The following ZNF69 variants were observed in gnomAD, a reference collection of about 807,000 sequenced individuals.
ZNF69 encodes ZNF3.
In ZNF69, 47 loss-of-function variants were observed where a neutral mutation model predicts 50.9. That is an observed-to-expected ratio of 0.92 (90% CI 0.73 to 1.18). The LOEUF is 1.18. Ranked by LOEUF, ZNF69 falls within the 50% of genes most tolerant of loss-of-function variation. ZNF69 has a pLI of 0.00. For synonymous variants in ZNF69, 216 were observed against 223.1 expected, an observed-to-expected ratio of 0.97 and a Z score of 0.29; for missense variants, 717 against 675.1, an observed-to-expected ratio of 1.06 and a Z score of -0.69.
chr19:11,948,947 G>C, the ZNF69 span: 32 of 1,608,302 alleles, frequency 2.0e-5, no homozygotes, highest in Non-Finnish European at 2.6e-5. Flanking sequence ...CCTTATCAAT[G>C]CAAAGAATGT....
At chr19:11,938,365 C>T in the ZNF69 span, among the ~76,000 whole-genome samples, 1 of 152,124 alleles carries the variant, frequency 6.6e-6, no homozygotes, top group Non-Finnish European at 1.5e-5. Context: ...GGTATATCTC[C>T]TTATGCTATC....
At chr19:11,977,078 A>G in the ZNF69 span, 72 of 1,614,050 alleles carry the variant, frequency 4.5e-5, no homozygotes, top group Non-Finnish European at 5.8e-5. Context: ...AACTTCACCC[A>G]GGAGGAGTGG....
chr19:11,969,187 C>A, the ZNF69 span, among the ~76,000 whole-genome samples: 1 of 152,218 alleles, frequency 6.6e-6, no homozygotes, highest in Non-Finnish European at 1.5e-5. Context: ...TCACTGCAGC[C>A]TCTGCCTTCT....
At chr19:11,948,664 G>A in the ZNF69 span, 4 of 1,612,610 alleles carry the variant, frequency 2.5e-6, no homozygotes, top group Non-Finnish European at 3.4e-6. Flanking sequence ...AAGACACATG[G>A]TAATGCACAG....
the ZNF69 span, chr19:11,948,719 A>T: frequency 6.2e-7 from 1 of 1,612,976 alleles, no homozygotes; most frequent in Non-Finnish European, 8.5e-7. Context: ...AAAGCCTTCC[A>T]TTCTTTCAGT....
At chr19:11,899,623 A>C (rs1227020586) in intron 1 of ZNF69, among the ~76,000 whole-genome samples, 1 of 151,874 alleles carries the variant, frequency 6.6e-6, no homozygotes, top group Non-Finnish European at 1.5e-5. Flanking sequence ...CAGTGTGAGA[A>C]CTTATCTATT....
At chr19:11,919,383 C>T in the ZNF69 span, among the ~76,000 whole-genome samples, 52 of 152,102 alleles carry the variant, frequency 3.4e-4, no homozygotes, top group Non-Finnish European at 6.2e-4. Flanking sequence ...TGATAAAGTC[C>T]TGTCTGATTA....
chr19:11,957,315 C>G, the ZNF69 span, among the ~76,000 whole-genome samples: 1 of 151,708 alleles, frequency 6.6e-6, no homozygotes, highest in African/African-American at 2.4e-5. Flanking sequence ...AGGATGATCT[C>G]AATCTCCTGA....
the ZNF69 span, chr19:11,947,642 G>A: frequency 1.4e-6 from 2 of 1,395,008 alleles, no homozygotes; most frequent in Non-Finnish European, 2.0e-6. Flanking sequence ...ATATGTTGAA[G>A]AGAAGTAAAA....
At chr19:11,937,678 C>T in the ZNF69 span, among the ~76,000 whole-genome samples, 7 of 151,580 alleles carry the variant, frequency 4.6e-5, no homozygotes, top group African/African-American at 7.3e-5. Flanking sequence ...TTAGTAGAGA[C>T]GGGGTTTCAC....
the ZNF69 span, chr19:11,949,230 C>G: frequency 6.2e-6 from 10 of 1,613,696 alleles, no homozygotes; most frequent in South Asian, 1.1e-4. Flanking sequence ...TCAATCTTTC[C>G]AGTTCCTTTC....
chr19:11,889,570 A>G lies in ZNF69; in HGVS notation c.63+1584A>G, dbSNP rs541722256. On this transcript the variant is annotated intron_variant, in intron 1 of 3. Transcript: ENST00000429654. ...AACCTCCACCTTCCGGATTCAAGCA[A>G]TTCTCTAGCCTCAGCCTCCTGAGTA... 1.2e-4 allele frequency among the ~76,000 whole-genome samples: 18 copies of G among 152,296 alleles called. No homozygotes were observed. In the South Asian group the frequency reaches 2.5e-3, roughly 21 times the overall value.
chr19:11,919,228 A>G (rs535260047), downstream of ZNF69, among the ~76,000 whole-genome samples: 8 of 151,660 alleles, frequency 5.3e-5, no homozygotes, highest in South Asian at 1.5e-3. Context: ...ATTTTTTCCT[A>G]GATAATTACA....
At chr19:11,919,689 T>C in the ZNF69 span, among the ~76,000 whole-genome samples, 5 of 152,232 alleles carry the variant, frequency 3.3e-5, no homozygotes, top group South Asian at 1.0e-3. Context: ...AGGAGGGCTC[T>C]CACAATGGGA....
downstream of ZNF69, among the ~76,000 whole-genome samples, chr19:11,916,482 G>T (rs1319810574): frequency 3.3e-5 from 5 of 152,164 alleles, no homozygotes; most frequent in East Asian, 7.7e-4. Flanking sequence ...GGGTGTGGTG[G>T]CACACACCTG....
chr19:11,928,129 A>C, the ZNF69 span, among the ~76,000 whole-genome samples: 1 of 152,048 alleles, frequency 6.6e-6, no homozygotes, highest in East Asian at 1.9e-4. Flanking sequence ...TAAGACTACA[A>C]TTGCCCACCA....
chr19:11,918,956 T>C (rs569288422), downstream of ZNF69, among the ~76,000 whole-genome samples: 5 of 151,598 alleles, frequency 3.3e-5, no homozygotes, highest in Non-Finnish European at 7.4e-5. Flanking sequence ...AGTGCAGTGG[T>C]GCGATCTCCG....
the ZNF69 span, among the ~76,000 whole-genome samples, chr19:11,920,288 T>C: frequency 1.3e-5 from 2 of 152,076 alleles, no homozygotes; most frequent in African/African-American, 4.8e-5. Flanking sequence ...ATTTTTGTAT[T>C]GGTAGTTAGA....
the ZNF69 span, among the ~76,000 whole-genome samples, chr19:11,931,062 CT>C: frequency 1.4e-5 from 2 of 147,694 alleles, 1 homozygote; most frequent in African/African-American, 5.3e-5. Flanking sequence ...ATTGGTCTAT[CT>C]TTCCATCTGT....
Sources: gnomAD v4.1 joint callset for allele counts (sites outside exome capture counted in the v4.1 genomes callset) on GRCh38, gnomAD v4.1.1 for gene constraint, MANE v1.5 for transcripts, NCBI Gene and HGNC (gene_info 2026-07-23, HGNC 2026-07-21) for gene names.